The following ADAMTS3 variants were observed in gnomAD, a reference collection of about 807,000 sequenced individuals.
ADAMTS3 encodes the protein A disintegrin and metalloproteinase with thrombospondin motifs 3.
ADAMTS3 carries 73 observed loss-of-function variants against 129.0 expected under a neutral mutation model. The ratio of observed to expected loss-of-function variants is 0.57; its 90% CI spans 0.47 to 0.69. The LOEUF (loss-of-function observed/expected upper bound fraction) is 0.69. Among genes scored for constraint, ADAMTS3 ranks in the 30% least tolerant of loss-of-function variants. The pLI, the probability that ADAMTS3 is intolerant of heterozygous loss-of-function variation, is 0.00. For synonymous variants in ADAMTS3, 477 were observed against 510.8 expected (o/e 0.93, Z 0.89); for missense variants, 1,457 against 1,514.5 (o/e 0.96, Z 0.63).
rs76545577 is a variant in ADAMTS3 at position 72,417,931 on chromosome 4, T to TTAAAAAAAAA, written c.505-2961_505-2960insTTTTTTTTTA. On this transcript the variant is annotated intron_variant, in intron 3 of 21. Transcript: ENST00000286657. ...CTGGGCGACAGAGGGAGACTCCATCTCAAAAAAAAAAAAGTAAGTACTTTA... is the reference window on the plus strand; with the variant it reads ...CTGGGCGACAGAGGGAGACTCCATCTTAAAAAAAAACAAAAAAAAAAAAGTAAGTACTTTA... Among the ~76,000 whole-genome samples, 26 of 100,668 alleles carry TTAAAAAAAAA rather than the reference T, an allele frequency of 2.6e-4. 7 individuals carry two copies. Among genetic ancestry groups the TTAAAAAAAAA allele is most frequent in the East Asian group, 8.1e-4 (3 of 3,710 alleles). 66.0% of individuals were successfully genotyped at this position (100,668 alleles called of 152,430 possible).
chr4:72,356,304 T>C (rs1339818854), intron 4 of ADAMTS3, among the ~76,000 whole-genome samples: 1 of 151,928 alleles, frequency 6.6e-6, no homozygotes, highest in Non-Finnish European at 1.5e-5. Context: ...AATTCATACA[T>C]CCAAGAGTAG....
At chr4:72,476,742 T>A (rs1313758517) in intron 3 of ADAMTS3, among the ~76,000 whole-genome samples, 1 of 151,904 alleles carries the variant, frequency 6.6e-6, no homozygotes, top group Non-Finnish European at 1.5e-5. Context: ...ATGCAAAAAA[T>A]CATTAACAAA....
chr4:72,528,708 C>A (rs1325852134), intron 3 of ADAMTS3, among the ~76,000 whole-genome samples: 3 of 152,008 alleles, frequency 2.0e-5, no homozygotes, highest in Non-Finnish European at 4.4e-5. Context: ...GTAACACTCT[C>A]TTTATTTTAT....
At chr4:72,378,393 T>C (rs1040283000) in intron 4 of ADAMTS3, among the ~76,000 whole-genome samples, 1 of 152,194 alleles carries the variant, frequency 6.6e-6, no homozygotes, top group Non-Finnish European at 1.5e-5. Flanking sequence ...ACCTAAACAT[T>C]GACCAATTAG....
chr4:72,377,452 C>A (rs1247443699), intron 4 of ADAMTS3, among the ~76,000 whole-genome samples: 1 of 152,154 alleles, frequency 6.6e-6, no homozygotes, highest in Non-Finnish European at 1.5e-5. Context: ...TATGTCATTA[C>A]AGAATAACTC....
chr4:72,368,798 C>T (rs73824575), intron 4 of ADAMTS3, among the ~76,000 whole-genome samples: 1 of 152,224 alleles, frequency 6.6e-6, no homozygotes, highest in African/African-American at 2.4e-5. Context: ...ATAGGAGGAC[C>T]TAGCATTTAC....
chr4:72,488,392 T>A (rs1437215674), intron 3 of ADAMTS3, among the ~76,000 whole-genome samples: 1 of 152,028 alleles, frequency 6.6e-6, no homozygotes, highest in Non-Finnish European at 1.5e-5. Context: ...ACATTTTGCA[T>A]CAAGGTTACT....
chr4:72,406,006 G>A (rs1258146516), intron 4 of ADAMTS3, among the ~76,000 whole-genome samples: 1 of 152,092 alleles, frequency 6.6e-6, no homozygotes, highest in Non-Finnish European at 1.5e-5. Flanking sequence ...CACAATCTAA[G>A]AAGCTGTGAC....
chr4:72,522,742 CA>C (rs939547900), intron 3 of ADAMTS3, among the ~76,000 whole-genome samples: 2 of 151,726 alleles, frequency 1.3e-5, no homozygotes, highest in Admixed American at 6.5e-5. Context: ...TCATAACCAA[CA>C]AAAAAAGAAC....
intron 3 of ADAMTS3, among the ~76,000 whole-genome samples, chr4:72,478,169 G>C (rs1435286003): frequency 6.6e-6 from 1 of 152,126 alleles, no homozygotes; most frequent in Non-Finnish European, 1.5e-5. Context: ...AGAAAAAGAG[G>C]GAATCTTCTC....
chr4:72,466,604 T>A (rs976152414), intron 3 of ADAMTS3, among the ~76,000 whole-genome samples: 4 of 151,936 alleles, frequency 2.6e-5, no homozygotes, highest in Admixed American at 1.3e-4. Context: ...TCTAATGGTT[T>A]TGTCTTGGAT....
At chr4:72,430,359 G>T (rs547536337) in intron 3 of ADAMTS3, among the ~76,000 whole-genome samples, 1 of 152,076 alleles carries the variant, frequency 6.6e-6, no homozygotes, top group Admixed American at 6.6e-5. Flanking sequence ...TCAGAGCCCA[G>T]CAGCCACACT....
chr4:72,286,512 A>T (rs1001426040), intron 21 of ADAMTS3, among the ~76,000 whole-genome samples: 40 of 152,342 alleles, frequency 2.6e-4, no homozygotes, highest in African/African-American at 9.4e-4. Flanking sequence ...AAGCCTGAAA[A>T]TGAGCTTCAA....
At chr4:72,530,773 T>TA (rs372929821) in intron 3 of ADAMTS3, among the ~76,000 whole-genome samples, 9 of 97,096 alleles carry the variant, frequency 9.3e-5, no homozygotes, top group South Asian at 2.6e-4. Flanking sequence ...ATAGATTATA[T>TA]ATATTATATT....
At chr4:72,444,624 A>G (rs1718204660) in intron 3 of ADAMTS3, among the ~76,000 whole-genome samples, 1 of 151,816 alleles carries the variant, frequency 6.6e-6, no homozygotes, top group South Asian at 2.1e-4. Context: ...TGGTCAGTAA[A>G]CAAAGTCTTA....
intron 3 of ADAMTS3, among the ~76,000 whole-genome samples, chr4:72,418,247 T>G (rs1417076822): frequency 6.6e-6 from 1 of 152,070 alleles, no homozygotes; most frequent in African/African-American, 2.4e-5. Flanking sequence ...CTAGTCCACA[T>G]CACAATAAAC....
chr4:72,544,913 A>T (rs1471844020), intron 3 of ADAMTS3, among the ~76,000 whole-genome samples: 1 of 152,106 alleles, frequency 6.6e-6, no homozygotes, highest in Non-Finnish European at 1.5e-5. Flanking sequence ...TTTAATTTTT[A>T]AAAATTATTA....
At chr4:72,495,456 A>C (rs1280876148) in intron 3 of ADAMTS3, among the ~76,000 whole-genome samples, 1 of 152,200 alleles carries the variant, frequency 6.6e-6, no homozygotes, top group Non-Finnish European at 1.5e-5. Flanking sequence ...GGTTTACATT[A>C]TTAATAAGCT....
chr4:72,567,462 G>T, intron 1 of ADAMTS3, 61 bp from the exon 2 acceptor site: 2 of 1,532,746 alleles, frequency 1.3e-6, no homozygotes, highest in South Asian at 2.3e-5. Flanking sequence ...ATCACCTTGT[G>T]AGTTTTATTT....
Sources: gnomAD v4.1 joint callset for allele counts (sites outside exome capture counted in the v4.1 genomes callset) on GRCh38, gnomAD v4.1.1 for gene constraint, MANE v1.5 for transcripts, NCBI Gene and HGNC (gene_info 2026-07-23, HGNC 2026-07-21) for gene names.